Variants in DCUN1D1 observed in about 807,000 individuals in gnomAD.
The protein encoded by DCUN1D1 is DCN1-like protein 1.
A neutral mutation model predicts 39.0 loss-of-function variants in DCUN1D1; 3 were observed. The ratio of observed to expected loss-of-function variants is 0.08; its 90% CI spans 0.04 to 0.20. DCUN1D1 has a LOEUF of 0.20. Among genes scored for constraint, DCUN1D1 ranks in the 10% least tolerant of loss-of-function variants. The pLI, the probability that DCUN1D1 is intolerant of heterozygous loss-of-function variation, is 1.00. For synonymous variants in DCUN1D1, 82 were observed against 96.3 expected (o/e 0.85, Z 0.87); for missense variants, 158 against 302.4 (o/e 0.52, Z 3.54).
chr3:182,968,099 G>A (rs1262081359), intron 1 of DCUN1D1, among the ~76,000 whole-genome samples: 2 of 152,114 alleles, frequency 1.3e-5, no homozygotes, highest in Non-Finnish European at 2.9e-5. Flanking sequence ...TTTAGAGACA[G>A]GGTCTCGCTA....
intron 4 of DCUN1D1, among the ~76,000 whole-genome samples, chr3:182,949,703 A>G (rs1180506102): frequency 1.3e-5 from 2 of 152,152 alleles, no homozygotes; most frequent in African/African-American, 2.4e-5. Flanking sequence ...CCTGGGTGAC[A>G]GGTGACATCT....
At chr3:182,968,573 T>C (rs1727782145) in intron 1 of DCUN1D1, among the ~76,000 whole-genome samples, 1 of 150,706 alleles carries the variant, frequency 6.6e-6, no homozygotes, top group Non-Finnish European at 1.5e-5. Flanking sequence ...AAAATGTTTA[T>C]GTAATAAATG....
rs901984892 is a variant in DCUN1D1, at chr3:182,939,799, G to A, written c.*5295C>T. ...TTAAGTTTACTAAAAACAATTAATT[G>A]TACATGTACAATGGGTGAATTTTAC... On this transcript the variant is annotated 3_prime_UTR_variant, in exon 7 of 7. Transcript: ENST00000292782. 1 of 152,096 alleles carries A rather than the reference G, an allele frequency of 6.6e-6. No homozygotes were observed. The highest frequency in any genetic ancestry group is 1.9e-4 in the East Asian group (1 of 5,198). The allele number at this position is 152,096 out of a possible 1,614,324, so 9.4% of individuals were successfully genotyped here. A position where few individuals can be genotyped will look rare whatever the true frequency, so the allele number is the denominator to read the frequency against.
At chr3:182,969,765 C>T (rs1046398339) in intron 1 of DCUN1D1, among the ~76,000 whole-genome samples, 1 of 152,108 alleles carries the variant, frequency 6.6e-6, no homozygotes, top group Non-Finnish European at 1.5e-5. Context: ...AGGAGAAATG[C>T]TATCTCTTGT....
upstream of DCUN1D1, among the ~76,000 whole-genome samples, chr3:182,981,438 G>T (rs962524322): frequency 6.6e-6 from 1 of 152,234 alleles, no homozygotes; most frequent in African/African-American, 2.4e-5. Context: ...CTGAGCTGAG[G>T]ATCAAGTGGA....
upstream of DCUN1D1, among the ~76,000 whole-genome samples, chr3:182,981,268 A>G (rs564374108): frequency 1.2e-4 from 18 of 152,240 alleles, no homozygotes; most frequent in South Asian, 2.1e-3. Context: ...TTGCCTGCCT[A>G]CTGCTAGCTC....
At chr3:182,971,158 T>C (rs1007011717) in intron 1 of DCUN1D1, among the ~76,000 whole-genome samples, 1 of 152,232 alleles carries the variant, frequency 6.6e-6, no homozygotes, top group African/African-American at 2.4e-5. Context: ...AATCTTTCTG[T>C]GCTTCAATTT....
chr3:182,961,411 A>G (rs1329526448), intron 3 of DCUN1D1, 55 bp from the exon 4 acceptor site: 1 of 1,443,814 alleles, frequency 6.9e-7, no homozygotes, highest in Non-Finnish European at 9.5e-7. Context: ...TAAATTAATA[A>G]CTTACTTATT....
chr3:182,980,672 G>A (rs1358006686), upstream of DCUN1D1: 3 of 769,070 alleles, frequency 3.9e-6, no homozygotes. Flanking sequence ...GGCAGGCGGA[G>A]GGCGCCCCGC....
At chr3:182,977,263 G>C (rs1385264120) in intron 1 of DCUN1D1, among the ~76,000 whole-genome samples, 1 of 152,162 alleles carries the variant, frequency 6.6e-6, no homozygotes, top group Non-Finnish European at 1.5e-5. Flanking sequence ...ATTTCTTCTT[G>C]TGTAAAAATG....
intron 1 of DCUN1D1, among the ~76,000 whole-genome samples, chr3:182,968,506 C>T (rs1727779835): frequency 6.6e-6 from 1 of 152,112 alleles, no homozygotes; most frequent in Admixed American, 6.5e-5. Context: ...GTCTTACCCA[C>T]ACCAACTAAA....
At chr3:182,958,496 T>TG (rs558628244) in intron 4 of DCUN1D1, among the ~76,000 whole-genome samples, 26 of 152,164 alleles carry the variant, frequency 1.7e-4, no homozygotes, top group African/African-American at 5.1e-4. Context: ...TGTATGGCTG[T>TG]GGGGGGGTCT....
chr3:182,977,763 G>C (rs1728312225), intron 1 of DCUN1D1, among the ~76,000 whole-genome samples: 1 of 151,892 alleles, frequency 6.6e-6, no homozygotes, highest in Admixed American at 6.5e-5. Flanking sequence ...GTTTCAGGCT[G>C]GCGTGGTGGC....
chr3:182,983,661 C>T (rs1728631961), upstream of DCUN1D1, among the ~76,000 whole-genome samples: 1 of 151,846 alleles, frequency 6.6e-6, no homozygotes, highest in African/African-American at 2.4e-5. Flanking sequence ...GAGCTGAGAT[C>T]GCGCCACTGC....
At chr3:182,959,824 G>A (rs1242149798) in intron 4 of DCUN1D1, among the ~76,000 whole-genome samples, 1 of 152,176 alleles carries the variant, frequency 6.6e-6, no homozygotes, top group African/African-American at 2.4e-5. Flanking sequence ...AACTCATGGG[G>A]GTGGATCCCT....
intron 1 of DCUN1D1, among the ~76,000 whole-genome samples, chr3:182,966,410 A>G (rs1727670751): frequency 6.6e-6 from 1 of 152,094 alleles, no homozygotes; most frequent in African/African-American, 2.4e-5. Context: ...TCCTATCAAA[A>G]TAATTTTTTT....
intron 4 of DCUN1D1, among the ~76,000 whole-genome samples, chr3:182,957,152 A>G (rs1727116379): frequency 6.6e-6 from 1 of 152,248 alleles, no homozygotes; most frequent in African/African-American, 2.4e-5. Flanking sequence ...GAACTGTGTA[A>G]TAACAAGTAA....
At position 182,968,660 on chromosome 3, in the gene DCUN1D1, C is replaced by CA. The variant is rs1727787430; in HGVS notation, c.4-2908dup. Among the ~76,000 whole-genome samples, 3 of 151,524 alleles carry CA rather than the reference C, an allele frequency of 2.0e-5. No individual in the cohort carries two copies. In the South Asian group the frequency reaches 6.2e-4, roughly 31 times the overall value. The stretch of plus-strand genomic sequence containing the variant: ...CTGTTGCCAGGCAGAAATGCAGTGG[C>CA]ACCATCTCAGCTCACTGCAACCTCC... On this transcript the variant is annotated intron_variant, in intron 1 of 6. Coordinates refer to ENST00000292782, the MANE Select transcript of DCUN1D1 (RefSeq NM_020640.4).
At chr3:182,959,793 G>C (rs779736783) in intron 4 of DCUN1D1, among the ~76,000 whole-genome samples, 3 of 152,198 alleles carry the variant, frequency 2.0e-5, no homozygotes, top group Admixed American at 6.5e-5. Flanking sequence ...GCTGGAAGAT[G>C]AGGCCTGGTG....
Sources: gnomAD v4.1 joint callset for allele counts (sites outside exome capture counted in the v4.1 genomes callset) on GRCh38, gnomAD v4.1.1 for gene constraint, MANE v1.5 for transcripts, NCBI Gene and HGNC (gene_info 2026-07-23, HGNC 2026-07-21) for gene names.